SDK1: variants seen among roughly 807,000 people sequenced by gnomAD.
The protein encoded by SDK1 is sidekick cell adhesion molecule 1, also known as protein sidekick-1.
In SDK1, 157 loss-of-function variants were observed where a neutral mutation model predicts 245.5. That is an observed-to-expected ratio of 0.64 (90% CI 0.56 to 0.73). The LOEUF is 0.73. Ranked by LOEUF, SDK1 falls within the 30% of genes least tolerant of loss-of-function variation. The pLI is 0.00. For missense variants in SDK1, 3,583 were observed against 3,002.3 expected (o/e 1.19, Z -4.52); for synonymous variants, 1,647 against 1,278.5 (o/e 1.29, Z -6.15).
intron 8 of SDK1, among the ~76,000 whole-genome samples, chr7:3,959,471 G>A (rs575411483): frequency 1.3e-5 from 2 of 152,324 alleles, no homozygotes; most frequent in African/African-American, 4.8e-5. Context: ...AGGCAATTTT[G>A]TTCCACTGAT....
At chr7:3,897,379 C>T (rs1013181937) in intron 5 of SDK1, among the ~76,000 whole-genome samples, 1 of 152,166 alleles carries the variant, frequency 6.6e-6, no homozygotes. Flanking sequence ...TCCCCAGCCC[C>T]TGGCACCCAC....
chr7:4,129,971 A>G lies in SDK1; in HGVS notation c.4003A>G (p.Thr1335Ala), dbSNP rs1444576285. The G allele has an allele frequency of 5.0e-6, 8 of 1,613,810 alleles. No individual in the cohort carries two copies. In the South Asian group the frequency reaches 7.7e-5, roughly 16 times the overall value. ...GAGCCACATCGTGCGAGGGAACCAC[A>G]CGCAGTCGGCCCTGCTGGCAGGCCT... ...PRSHIVRGNHTQSALLAGLRK... is the reference protein window; with the variant it reads ...PRSHIVRGNHAQSALLAGLRK... Residue 1335 changes from threonine to alanine, a missense_variant, in exon 27 of 45, where the codon ACG (threonine) becomes GCG (alanine). Transcript: ENST00000404826.
intron 1 of SDK1, among the ~76,000 whole-genome samples, chr7:3,587,592 C>G (rs1030248015): frequency 1.3e-5 from 2 of 152,234 alleles, no homozygotes; most frequent in Non-Finnish European, 2.9e-5. Context: ...TCCGCTTTTT[C>G]AGCCCCCAAT....
intron 32 of SDK1, among the ~76,000 whole-genome samples, chr7:4,162,079 G>A (rs1433677550): frequency 6.6e-6 from 1 of 152,136 alleles, no homozygotes; most frequent in Non-Finnish European, 1.5e-5. Context: ...TGTGATGCAC[G>A]TAGAGAATGA....
At chr7:3,444,306 G>A (rs1183881669) in intron 1 of SDK1, among the ~76,000 whole-genome samples, 1 of 152,114 alleles carries the variant, frequency 6.6e-6, no homozygotes, top group African/African-American at 2.4e-5. Flanking sequence ...CCACTTGGAT[G>A]TCTACCAGAC....
rs116684344 is a variant in SDK1, at chr7:3,374,425, T to C, written c.298+72541T>C. 8.7e-3 allele frequency among the ~76,000 whole-genome samples: 1,326 copies of C among 152,270 alleles called. 23 individuals carry two copies. The highest frequency in any genetic ancestry group is 0.03 in the African/African-American group (1,261 of 41,526). ...ATAAATCGTGTACTTGTCAAGTCTT[T>C]GGAGGTTGGGTTGCCTTACTGTAGT... is the stretch of plus-strand genomic sequence containing the variant. On this transcript the variant is annotated intron_variant, in intron 1 of 44. Coordinates refer to ENST00000404826, the MANE Select transcript of SDK1 (RefSeq NM_152744.4).
chr7:4,254,207 G>GT (rs1355853213), intron 44 of SDK1, among the ~76,000 whole-genome samples: 4 of 150,596 alleles, frequency 2.7e-5, no homozygotes, highest in Admixed American at 6.6e-5. Flanking sequence ...TTTTGTTTTT[G>GT]TTTTTTTGCT....
At chr7:3,470,550 C>G (rs1781151631) in intron 1 of SDK1, among the ~76,000 whole-genome samples, 1 of 142,296 alleles carries the variant, frequency 7.0e-6, no homozygotes, top group South Asian at 2.3e-4. Context: ...GGTTCTTAGT[C>G]AGTAAGAAAA....
In SDK1 at chr7:3,464,934, A is replaced by G. The variant is rs570134334; in HGVS notation, c.299-154146A>G. On this transcript the variant is annotated intron_variant, in intron 1 of 44. Transcript: ENST00000404826. Reference sequence around the variant, plus strand: ...TTTTCCCTTTAGTATTTGACATCAAACTATAGCTTCCACTGAGTAGTTTTA... The same window carrying G: ...TTTTCCCTTTAGTATTTGACATCAAGCTATAGCTTCCACTGAGTAGTTTTA... Among the ~76,000 whole-genome samples, 5 of 152,216 alleles carry G rather than the reference A, an allele frequency of 3.3e-5. 1 individual carries two copies. The highest frequency in any genetic ancestry group is 1.2e-4 in the African/African-American group (5 of 41,526).
At chr7:3,988,157 T>TTA (rs1554298422) in intron 14 of SDK1, among the ~76,000 whole-genome samples, 12 of 111,178 alleles carry the variant, frequency 1.1e-4, no homozygotes, top group African/African-American at 3.1e-4. Context: ...TTTTTTTTTT[T>TTA]ACCTCACTCC....
intron 5 of SDK1, among the ~76,000 whole-genome samples, chr7:3,823,843 G>C (rs909909620): frequency 1.3e-5 from 2 of 152,146 alleles, no homozygotes; most frequent in Non-Finnish European, 2.9e-5. Context: ...GAGAAGTAAG[G>C]AGATTGAGGA....
intron 44 of SDK1, among the ~76,000 whole-genome samples, chr7:4,261,207 C>A (rs981989724): frequency 6.6e-6 from 1 of 152,124 alleles, no homozygotes; most frequent in Non-Finnish European, 1.5e-5. Context: ...AGGTGCCGGA[C>A]GGTGTCGGCT....
At chr7:4,090,547 C>T (rs149052002) in intron 22 of SDK1, among the ~76,000 whole-genome samples, 290 of 152,228 alleles carry the variant, frequency 1.9e-3, no homozygotes, top group African/African-American at 6.5e-3. Flanking sequence ...TTGGGGGTGG[C>T]GGGGAGCCCA....
At chr7:4,231,399 A>G (rs983388445) in intron 40 of SDK1, among the ~76,000 whole-genome samples, 1 of 150,146 alleles carries the variant, frequency 6.7e-6, no homozygotes, top group African/African-American at 2.5e-5. Context: ...CCCTGTCACT[A>G]CAAAAAAAAA....
intron 1 of SDK1, among the ~76,000 whole-genome samples, chr7:3,511,618 G>GT (rs1175136744): frequency 1.3e-5 from 2 of 151,818 alleles, no homozygotes; most frequent in Non-Finnish European, 2.9e-5. Context: ...CTCTAGTTCA[G>GT]TTTTTTCTGG....
chr7:4,062,939 A>G (rs541123643), intron 19 of SDK1, among the ~76,000 whole-genome samples: 2 of 152,358 alleles, frequency 1.3e-5, no homozygotes, highest in South Asian at 2.1e-4. Flanking sequence ...CAAACTAGGC[A>G]TAGTAGAAAC....
At chr7:3,581,329 A>G (rs1780480826) in intron 1 of SDK1, among the ~76,000 whole-genome samples, 1 of 152,246 alleles carries the variant, frequency 6.6e-6, no homozygotes, top group South Asian at 2.1e-4. Context: ...ATTATTAATT[A>G]GTGGGCAAAG....
chr7:3,967,456 C>T, intron 10 of SDK1, 22 bp downstream of exon 10: 18 of 1,420,552 alleles, frequency 1.3e-5, no homozygotes, highest in Non-Finnish European at 1.8e-5. Flanking sequence ...CCACTGCCCA[C>T]AACAGCATGG....
intron 1 of SDK1, among the ~76,000 whole-genome samples, chr7:3,419,567 C>T (rs923095379): frequency 2.0e-5 from 3 of 152,160 alleles, no homozygotes; most frequent in African/African-American, 7.2e-5. Flanking sequence ...CTGTAGGATT[C>T]TTCTGTAGCA....
Sources: allele counts gnomAD v4.1 joint callset (sites outside exome capture counted in the v4.1 genomes callset), GRCh38; gene constraint gnomAD v4.1.1; transcripts MANE v1.5; gene names NCBI Gene and HGNC (gene_info 2026-07-23, HGNC 2026-07-21).